The following GABBR2 variants were observed in gnomAD, a reference collection of about 807,000 sequenced individuals.
GABBR2 encodes gamma-aminobutyric acid type B receptor subunit 2.
In GABBR2, 23 loss-of-function variants were observed where a neutral mutation model predicts 105.6. That is an observed-to-expected ratio of 0.22 (90% CI 0.16 to 0.31). The LOEUF (loss-of-function observed/expected upper bound fraction) is 0.31, where lower values mean the gene tolerates loss of function less well. GABBR2 is among the 10% of genes least tolerant of loss of function. GABBR2 has a pLI of 1.00. For missense variants in GABBR2, 734 were observed against 1,245.5 expected, an observed-to-expected ratio of 0.59 and a Z score of 6.18; for synonymous variants, 478 against 499.7, an observed-to-expected ratio of 0.96 and a Z score of 0.58.
At chr9:98,516,719 G>T (rs1217347281) in intron 3 of GABBR2, among the ~76,000 whole-genome samples, 1 of 152,138 alleles carries the variant, frequency 6.6e-6, no homozygotes, top group Admixed American at 6.5e-5. Context: ...TGGGTTCCAG[G>T]ACCCAGCACA....
chr9:98,405,520 G>C (rs1470100314), intron 8 of GABBR2, among the ~76,000 whole-genome samples: 1 of 152,136 alleles, frequency 6.6e-6, no homozygotes, highest in East Asian at 1.9e-4. Flanking sequence ...AAACCTTTTA[G>C]AGTCATGCGG....
At chr9:98,311,056 A>G in intron 14 of GABBR2, 39 bp downstream of exon 14, 1 of 1,111,994 alleles carries the variant, frequency 9.0e-7, no homozygotes, top group South Asian at 1.3e-5. Flanking sequence ...CCAACAAAGA[A>G]GTGTCCCCCC....
chr9:98,548,563 G>A (rs1828432760), intron 2 of GABBR2, among the ~76,000 whole-genome samples: 1 of 116,644 alleles, frequency 8.6e-6, no homozygotes, highest in African/African-American at 2.7e-5. Flanking sequence ...CCCTAGGAAT[G>A]TATAGCTCTG....
chr9:98,655,753 G>T (rs906184553), intron 1 of GABBR2, among the ~76,000 whole-genome samples: 2 of 152,066 alleles, frequency 1.3e-5, no homozygotes, highest in African/African-American at 4.8e-5. Flanking sequence ...ACCAAACACC[G>T]CACGTTCTCA....
chr9:98,510,105 G>A (rs1827605744), intron 3 of GABBR2, among the ~76,000 whole-genome samples: 1 of 152,168 alleles, frequency 6.6e-6, no homozygotes, highest in South Asian at 2.1e-4. Flanking sequence ...AAGAGAGTGG[G>A]GACCAATATT....
At chr9:98,494,554 G>C (rs780446293) in intron 4 of GABBR2, among the ~76,000 whole-genome samples, 18 of 152,164 alleles carry the variant, frequency 1.2e-4, no homozygotes, top group Non-Finnish European at 2.5e-4. Context: ...GCCCAGACCT[G>C]GGTTTGAATC....
intron 13 of GABBR2, among the ~76,000 whole-genome samples, chr9:98,349,534 T>C (rs1831360972): frequency 6.6e-6 from 1 of 151,934 alleles, no homozygotes; most frequent in Non-Finnish European, 1.5e-5. Flanking sequence ...TTTTGTATTT[T>C]CAGTAGAGAT....
At chr9:98,520,671 G>T (rs1827849102) in intron 3 of GABBR2, among the ~76,000 whole-genome samples, 1 of 152,208 alleles carries the variant, frequency 6.6e-6, no homozygotes, top group Non-Finnish European at 1.5e-5. Context: ...CAAAGGGGAT[G>T]GAAACTTGGA....
chr9:98,525,601 G>A (rs771147244), intron 3 of GABBR2, among the ~76,000 whole-genome samples: 12 of 152,168 alleles, frequency 7.9e-5, no homozygotes, highest in Non-Finnish European at 1.6e-4. Context: ...CCAGAAAATG[G>A]CTTGGCAGTT....
chr9:98,643,487 A>C (rs1257074365), intron 1 of GABBR2, among the ~76,000 whole-genome samples: 1 of 152,178 alleles, frequency 6.6e-6, no homozygotes, highest in Non-Finnish European at 1.5e-5. Context: ...ATTTTAAGAG[A>C]GAAGAGAGCC....
chr9:98,621,980 GA>G lies in GABBR2; in HGVS notation c.322-43909del, dbSNP rs1035000289. 1.0e-4 allele frequency among the ~76,000 whole-genome samples: 15 copies of G among 149,090 alleles called. 1 individual carries two copies. Among genetic ancestry groups the G allele is most frequent in the South Asian group, 6.4e-4 (3 of 4,702 alleles). On this transcript the variant is annotated intron_variant, in intron 1 of 18. Coordinates refer to ENST00000259455, the MANE Select transcript of GABBR2 (RefSeq NM_005458.8). ...CAACTGACTATAAGATTTTAAGACC[GA>G]AAAAAAAATGTGTCTTGCCACCAAA...
chr9:98,380,925 A>T (rs1831963821), intron 11 of GABBR2, among the ~76,000 whole-genome samples: 1 of 152,212 alleles, frequency 6.6e-6, no homozygotes, highest in Non-Finnish European at 1.5e-5. Context: ...TTGAAAACTA[A>T]AAGGGAGAAA....
At chr9:98,366,168 C>T (rs576660141) in intron 12 of GABBR2, among the ~76,000 whole-genome samples, 1 of 152,314 alleles carries the variant, frequency 6.6e-6, no homozygotes, top group Non-Finnish European at 1.5e-5. Flanking sequence ...ATTTGCACAT[C>T]CCACACTAGA....
At chr9:98,508,381 G>A (rs528206041) in intron 3 of GABBR2, among the ~76,000 whole-genome samples, 22 of 152,328 alleles carry the variant, frequency 1.4e-4, no homozygotes, top group African/African-American at 3.1e-4. Flanking sequence ...CTGAAGTACC[G>A]GGTTCATCTC....
At chr9:98,326,164 A>T (rs938652946) in intron 13 of GABBR2, among the ~76,000 whole-genome samples, 1 of 152,218 alleles carries the variant, frequency 6.6e-6, no homozygotes, top group Admixed American at 6.5e-5. Context: ...GGGGAATAAG[A>T]ACAGGAATGC....
intron 1 of GABBR2, among the ~76,000 whole-genome samples, chr9:98,601,796 C>T (rs1170749930): frequency 6.6e-6 from 1 of 152,182 alleles, no homozygotes; most frequent in Admixed American, 6.5e-5. Flanking sequence ...TTGTTCCCAT[C>T]TCCCACTGGA....
At chr9:98,319,541 T>C (rs1564015246) in intron 13 of GABBR2, among the ~76,000 whole-genome samples, 1 of 152,074 alleles carries the variant, frequency 6.6e-6, no homozygotes, top group Non-Finnish European at 1.5e-5. Context: ...CCAGCCACTT[T>C]TCTTTGGGGA....
intron 13 of GABBR2, among the ~76,000 whole-genome samples, chr9:98,362,115 A>G (rs1831596423): frequency 6.6e-6 from 1 of 152,260 alleles, no homozygotes; most frequent in South Asian, 2.1e-4. Flanking sequence ...TAACTATTCT[A>G]AATGAAAGTC....
In GABBR2 at chr9:98,306,874, G is replaced by A. The variant is rs1024318730; in HGVS notation, c.2005-529C>T. Reference sequence around the variant, plus strand: ...GCGACTACATTTTTCAGCTGCCCTAGAGGCTAGGCGTGGCATATTGCTAGC... The same window carrying A: ...GCGACTACATTTTTCAGCTGCCCTAAAGGCTAGGCGTGGCATATTGCTAGC... On this transcript the variant is annotated intron_variant, in intron 14 of 18. Transcript: ENST00000259455. This position sits in a 1 kb window ranked among gnomAD's most constrained non-coding sequence, Gnocchi z 5.4. 1.3e-5 allele frequency among the ~76,000 whole-genome samples: 2 copies of A among 152,178 alleles called. No homozygotes were observed. The highest frequency in any genetic ancestry group is 4.1e-4 in the South Asian group (2 of 4,830).
Sources: allele counts gnomAD v4.1 joint callset (sites outside exome capture counted in the v4.1 genomes callset), GRCh38; gene constraint gnomAD v4.1.1; non-coding constraint Gnocchi (gnomAD v3.1); transcripts MANE v1.5; gene names NCBI Gene and HGNC (gene_info 2026-07-23, HGNC 2026-07-21).